The following ARHGEF3 variants were observed in gnomAD, a reference collection of about 807,000 sequenced individuals.
ARHGEF3 encodes 59.8 kDA protein.
Under a neutral mutation model 63.2 loss-of-function variants are expected in ARHGEF3, and 28 were observed. The ratio of observed to expected loss-of-function variants is 0.44; its 90% confidence interval spans 0.33 to 0.61. The LOEUF is 0.61. Among genes scored for constraint, ARHGEF3 ranks in the 20% least tolerant of loss-of-function variants. ARHGEF3 has a pLI of 0.03. For missense variants in ARHGEF3, 533 were observed against 659.3 expected (o/e 0.81, Z 2.10); for synonymous variants, 266 against 254.2 (o/e 1.05, Z -0.44).
chr3:56,841,083 C>G (rs941240226), intron 4 of ARHGEF3, among the ~76,000 whole-genome samples: 3 of 152,130 alleles, frequency 2.0e-5, no homozygotes, highest in African/African-American at 7.2e-5. Context: ...TCTTTGCCCC[C>G]AGTAGATAAA....
At chr3:56,758,284 G>GAAA (rs1176698699) in intron 2 of ARHGEF3, among the ~76,000 whole-genome samples, 1 of 137,476 alleles carries the variant, frequency 7.3e-6, no homozygotes, top group South Asian at 2.3e-4. Context: ...CCCTCTAAAG[G>GAAA]AAAAAAAAAA....
chr3:56,917,168 A>G (rs1481587818), intron 3 of ARHGEF3, among the ~76,000 whole-genome samples: 1 of 152,200 alleles, frequency 6.6e-6, no homozygotes, highest in Non-Finnish European at 1.5e-5. Flanking sequence ...ATAGGAAACT[A>G]CAAGGTTTCA....
At chr3:57,019,750 G>T (rs940143164) in intron 2 of ARHGEF3, among the ~76,000 whole-genome samples, 2 of 152,244 alleles carry the variant, frequency 1.3e-5, no homozygotes, top group Admixed American at 1.3e-4. Context: ...ATTATGAAAA[G>T]GGAACAATAA....
At chr3:57,053,187 C>T (rs1016666870) in intron 1 of ARHGEF3, among the ~76,000 whole-genome samples, 15 of 152,138 alleles carry the variant, frequency 9.9e-5, no homozygotes, top group African/African-American at 3.1e-4. Context: ...TTAAGAAAGG[C>T]CACCCTCCCT....
In ARHGEF3 at chr3:56,853,661, C is replaced by T. The variant is rs143104354; in HGVS notation, c.192+28631G>A. Among the ~76,000 whole-genome samples the T allele has an allele frequency of 3.6e-3, 551 of 152,236 alleles. 4 individuals carry two copies. The highest frequency in any genetic ancestry group is 0.013 in the African/African-American group (523 of 41,542). The stretch of plus-strand genomic sequence containing the variant: ...AATTTTTATTGTAGACTATGTTGCT[C>T]AATGTTAAGAACCAAAATTAATGAA... On this transcript the variant is annotated intron_variant, in intron 4 of 12. Transcript: ENST00000338458.
intron 2 of ARHGEF3, among the ~76,000 whole-genome samples, chr3:56,767,896 A>G (rs2035797580): frequency 6.6e-6 from 1 of 151,744 alleles, no homozygotes; most frequent in Non-Finnish European, 1.5e-5. Context: ...ACAGGTATGC[A>G]CCACTACGCC....
intron 1 of ARHGEF3, among the ~76,000 whole-genome samples, chr3:56,792,988 T>C (rs1166432095): frequency 7.1e-6 from 1 of 139,968 alleles, no homozygotes; most frequent in Admixed American, 6.9e-5. Flanking sequence ...ATTCACGGCA[T>C]TGGGTTTTTT....
chr3:57,074,435 TC>T, intron 1 of ARHGEF3: 1 of 624,212 alleles, frequency 1.6e-6, no homozygotes, highest in East Asian at 2.7e-5. Context: ...CTGTCACACT[TC>T]CCCAATATCA....
At chr3:57,045,128 G>A (rs530186112) in intron 1 of ARHGEF3, among the ~76,000 whole-genome samples, 8 of 152,120 alleles carry the variant, frequency 5.3e-5, no homozygotes, top group East Asian at 1.9e-4. Flanking sequence ...TTAGCTGGGC[G>A]TGGTGGCGGG....
At chr3:56,789,961 A>C (rs1337790200) in intron 1 of ARHGEF3, among the ~76,000 whole-genome samples, 3 of 152,240 alleles carry the variant, frequency 2.0e-5, no homozygotes, top group Non-Finnish European at 2.9e-5. Context: ...GAAAGTGATT[A>C]AATTATTTTG....
At chr3:56,994,450 C>T (rs1032727367) in intron 2 of ARHGEF3, among the ~76,000 whole-genome samples, 1 of 151,796 alleles carries the variant, frequency 6.6e-6, no homozygotes, top group Non-Finnish European at 1.5e-5. Context: ...TTGGATTTTT[C>T]AAAAGAGACT....
intron 3 of ARHGEF3, among the ~76,000 whole-genome samples, chr3:56,941,563 T>C (rs1404097974): frequency 6.6e-6 from 1 of 152,212 alleles, no homozygotes; most frequent in Non-Finnish European, 1.5e-5. Flanking sequence ...AAACTTTTAA[T>C]ATAAGCCTCC....
intron 2 of ARHGEF3, among the ~76,000 whole-genome samples, chr3:56,983,156 A>G (rs1030705250): frequency 6.6e-6 from 1 of 152,182 alleles, no homozygotes; most frequent in Non-Finnish European, 1.5e-5. Flanking sequence ...GTATGTATGT[A>G]TATATGTATT....
chr3:56,875,534 C>G (rs1221830973), intron 4 of ARHGEF3, among the ~76,000 whole-genome samples: 1 of 152,164 alleles, frequency 6.6e-6, no homozygotes, highest in African/African-American at 2.4e-5. Flanking sequence ...ATACCATATA[C>G]TATAACAAAA....
intron 4 of ARHGEF3, among the ~76,000 whole-genome samples, chr3:56,829,332 G>A (rs79995621): frequency 0.026 from 4,033 of 152,260 alleles, 67 homozygotes; most frequent in African/African-American, 0.043. Flanking sequence ...AGCTCCCGGT[G>A]AGTGTACAAT....
chr3:56,941,270 T>A lies in ARHGEF3; in HGVS notation c.129+17553A>T, dbSNP rs149807018. Reference sequence around the variant, plus strand: ...TCGCATAGGCTGGAGTGCACTGGCATGATCTTGGCTCACTGCAACCTCCGC... The same window carrying A: ...TCGCATAGGCTGGAGTGCACTGGCAAGATCTTGGCTCACTGCAACCTCCGC... On this transcript the variant is annotated intron_variant, in intron 3 of 12. Transcript: ENST00000338458. 2.5e-4 allele frequency among the ~76,000 whole-genome samples: 38 copies of A among 152,336 alleles called. No individual in the cohort carries two copies. In the East Asian group the frequency reaches 6.7e-3, roughly 27 times the overall value.
intron 6 of ARHGEF3, among the ~76,000 whole-genome samples, chr3:56,748,965 T>G (rs1256080144): frequency 6.8e-6 from 1 of 147,666 alleles, no homozygotes; most frequent in Non-Finnish European, 1.5e-5. Flanking sequence ...CAATTTTTCA[T>G]GGGTCGAATG....
chr3:56,753,530 T>C lies in ARHGEF3; in HGVS notation c.412A>G (p.Ile138Val). 6.2e-7 allele frequency: 1 copy of C among 1,613,936 alleles called. No individual in the cohort carries two copies. The highest frequency in any genetic ancestry group is 8.5e-7 in the Non-Finnish European group (1 of 1,179,976). Residue 138 changes from isoleucine to valine, a missense_variant, in exon 4 of 10, where the codon ATA (isoleucine) becomes GTA (valine). Physicochemically the swap from Ile to Val is conservative, Grantham distance 29 (BLOSUM62 3). This residue lies in a region of ARHGEF3 where 107 missense variants were observed against 207.9 expected (regional missense o/e 0.51). Coordinates refer to ENST00000296315, the MANE Select transcript of ARHGEF3 (RefSeq NM_019555.3). ...TTTTTTGCTAATTTCAAGTCTTCTATCAAGTCTTCTTCTCCTTGGGAAAGC... is the reference window on the plus strand; with the variant it reads ...TTTTTTGCTAATTTCAAGTCTTCTACCAAGTCTTCTTCTCCTTGGGAAAGC... ...FELSQGEEDL[I>V]EDLKLAKKAY...
intron 2 of ARHGEF3, among the ~76,000 whole-genome samples, chr3:56,996,893 T>A (rs4996929): frequency 0.22 from 20,534 of 94,230 alleles, 1,615 homozygotes; most frequent in East Asian, 0.4. Flanking sequence ...TATTATTATT[T>A]TTTTTTTTTT....
Sources: gnomAD v4.1 joint callset for allele counts (sites outside exome capture counted in the v4.1 genomes callset) on GRCh38, gnomAD v4.1.1 for gene constraint, gnomAD v4.1.1 regional missense constraint, MANE v1.5 for transcripts, NCBI Gene and HGNC (gene_info 2026-07-23, HGNC 2026-07-21) for gene names.